Variants in NCF4 observed in about 807,000 individuals in gnomAD.
NCF4 encodes neutrophil cytosol factor 4.
Under a neutral mutation model 41.7 loss-of-function variants are expected in NCF4, and 30 were observed. The observed-to-expected ratio is 0.72, with a 90% CI of 0.54 to 0.97. The LOEUF (loss-of-function observed/expected upper bound fraction) is 0.97. Among genes scored for constraint, NCF4 ranks in the 50% least tolerant of loss-of-function variants. NCF4 has a pLI of 0.00. For missense variants in NCF4, 432 were observed against 460.9 expected (o/e 0.94, Z 0.57); for synonymous variants, 195 against 175.8 (o/e 1.11, Z -0.87).
At chr22:36,877,565 C>A (rs1481835461) in intron 9 of NCF4, 63 bp from the exon 10 acceptor site, 4 of 1,572,936 alleles carry the variant, frequency 2.5e-6, no homozygotes, top group Non-Finnish European at 3.5e-6. Flanking sequence ...CCCTTTTCAC[C>A]CCCTCTCCCT....
Position 36,878,004 on chromosome 22 carries a change from A to C in NCF4, c.*181A>C, listed in dbSNP as rs1206495029. 1.5e-5 allele frequency: 10 copies of C among 648,776 alleles called. No individual in the cohort carries two copies. The highest frequency in any genetic ancestry group is 2.6e-5 in the Non-Finnish European group (10 of 382,008). 40.2% of individuals were successfully genotyped at this position (648,776 alleles called of 1,614,324 possible). ...ACATCTGATTTAAATAAACCATTCC[A>C]TCTGAAAGGGGCAGGCTGCGGGAAA... is the stretch of plus-strand genomic sequence containing the variant. On this transcript the variant is annotated 3_prime_UTR_variant, in exon 10 of 10. Transcript: ENST00000248899.
intron 1 of NCF4, among the ~76,000 whole-genome samples, chr22:36,862,210 G>T (rs150795213): frequency 1.7e-3 from 263 of 152,342 alleles, no homozygotes; most frequent in African/African-American, 6.0e-3. Context: ...CCACTCAGGG[G>T]GTCACCAGAG....
In NCF4 at chr22:36,876,048, G is replaced by A; in HGVS notation, c.778G>A (p.Asp260Asn). 6.2e-7 allele frequency: 1 copy of A among 1,612,514 alleles called. No homozygotes were observed. The highest frequency in any genetic ancestry group is 8.5e-7 in the Non-Finnish European group (1 of 1,178,802). Residue 260 changes from aspartate (D) to asparagine (N), a missense_variant, in exon 9 of 10, where the codon GAT (aspartate) becomes AAT (asparagine). Transcript: ENST00000248899. ...STIKDIAVEE[D>N]LSSTPLLKDL... ...CCTTAGGGACATCGCGGTGGAGGAAGATCTCAGCAGCACTCCCCTATTGAA... is the reference window on the plus strand; with the variant it reads ...CCTTAGGGACATCGCGGTGGAGGAAAATCTCAGCAGCACTCCCCTATTGAA...
chr22:36,862,124 G>A (rs555918097), intron 1 of NCF4, among the ~76,000 whole-genome samples: 1 of 152,206 alleles, frequency 6.6e-6, no homozygotes, highest in African/African-American at 2.4e-5. Flanking sequence ...AGCTGCGGGG[G>A]CCCTGAGGAC....
intron 7 of NCF4, among the ~76,000 whole-genome samples, chr22:36,872,859 T>C (rs1940102462): frequency 7.5e-6 from 1 of 133,254 alleles, no homozygotes. Flanking sequence ...AGGATGGGGG[T>C]GAGACTGGCA....
chr22:36,866,565 T>C (rs1022686461), intron 3 of NCF4, among the ~76,000 whole-genome samples: 2 of 152,140 alleles, frequency 1.3e-5, no homozygotes, highest in African/African-American at 2.4e-5. Context: ...TGGGACTTAA[T>C]TGTCACGTTT....
intron 4 of NCF4, chr22:36,870,167 C>G: frequency 1.8e-6 from 1 of 561,606 alleles, no homozygotes; most frequent in Middle Eastern, 4.9e-4. Context: ...TAAGTCTTTT[C>G]CAAATGGACT....
chr22:36,872,952 AGGTGAGATTGG>A (rs1940108543), intron 7 of NCF4, among the ~76,000 whole-genome samples: 1 of 142,970 alleles, frequency 7.0e-6, no homozygotes, highest in African/African-American at 2.7e-5. Flanking sequence ...GTGAGATTGG[AGGTGAGATTGG>A]AGGTGAGGGT....
chr22:36,874,492 C>G (rs544853035), intron 7 of NCF4, among the ~76,000 whole-genome samples: 1 of 152,276 alleles, frequency 6.6e-6, no homozygotes, highest in South Asian at 2.1e-4. Flanking sequence ...TCATAGATCT[C>G]CATCTCAGGA....
intron 6 of NCF4, chr22:36,872,018 C>A: frequency 1.5e-6 from 1 of 649,416 alleles, no homozygotes. Flanking sequence ...GCAGAGATGA[C>A]TCAGACAAGG....
rs372612108 is a variant in NCF4, at chr22:36,861,198, C to T, written c.27C>T (p.Ala9=). Residue 9 remains alanine, a synonymous_variant, in exon 1 of 10, where the codon GCC becomes GCT. Coordinates refer to ENST00000248899, the MANE Select transcript of NCF4 (RefSeq NM_000631.5). MAVAQQLR[A]ESDFEQLPDD... is the part of the protein sequence containing the mutation. Reference sequence around the variant, plus strand: ...TGGCTGTGGCCCAGCAGCTGCGGGCCGAGAGGTGAGTGCCGGGGTGTGGCC... The same window carrying T: ...TGGCTGTGGCCCAGCAGCTGCGGGCTGAGAGGTGAGTGCCGGGGTGTGGCC... The T allele has an allele frequency of 2.3e-4, 356 of 1,551,342 alleles. No individual in the cohort carries two copies. The highest frequency in any genetic ancestry group is 5.0e-4 in the South Asian group (42 of 84,058).
At chr22:36,873,744 C>G (rs1940133806) in intron 7 of NCF4, among the ~76,000 whole-genome samples, 1 of 152,144 alleles carries the variant, frequency 6.6e-6, no homozygotes, top group African/African-American at 2.4e-5. Flanking sequence ...TGGGGTTGTC[C>G]TGAGCATTGC....
At chr22:36,870,681 A>G in intron 5 of NCF4, 139 bp downstream of exon 5, 1 of 1,228,952 alleles carries the variant, frequency 8.1e-7, no homozygotes, top group Non-Finnish European at 1.1e-6. Flanking sequence ...TTGATTTATT[A>G]GATGGGTTTA....
intron 4 of NCF4, 99 bp from the exon 5 acceptor site, chr22:36,870,316 G>T: frequency 6.6e-7 from 1 of 1,525,612 alleles, no homozygotes; most frequent in South Asian, 1.1e-5. Context: ...AGTAAAGAGA[G>T]GAGGGCTGAT....
At position 36,876,027 on chromosome 22, in the gene NCF4, A is replaced by T; in HGVS notation, c.759-2A>T. The T allele has an allele frequency of 1.2e-6, 2 of 1,613,310 alleles. No homozygotes were observed. The highest frequency in any genetic ancestry group is 1.7e-6 in the Non-Finnish European group (2 of 1,179,440). On this transcript the variant is annotated splice_acceptor_variant, in intron 8 of 9. Transcript: ENST00000248899. LOFTEE classifies it high-confidence loss of function. ...CCTTACTCCAGCCTGTCACCCCCTTAGGGACATCGCGGTGGAGGAAGATCT... is the reference window on the plus strand; with the variant it reads ...CCTTACTCCAGCCTGTCACCCCCTTTGGGACATCGCGGTGGAGGAAGATCT...
rs1043503966 is a variant in NCF4, at chr22:36,876,227, C to G, written c.824+133C>G. On this transcript the variant is annotated intron_variant, in intron 9 of 9. Coordinates refer to ENST00000248899, the MANE Select transcript of NCF4 (RefSeq NM_000631.5). ...TCTTCTCTTTTTATCCGCAGCCCAG[C>G]CCTGCAGGTTAGGCAGCATCTCCCC... 5 of 942,812 alleles carry G rather than the reference C, an allele frequency of 5.3e-6. No individual in the cohort carries two copies. In the African/African-American group the frequency reaches 8.3e-5, roughly 16 times the overall value. 58.4% of individuals were successfully genotyped at this position (942,812 alleles called of 1,614,324 possible).
rs867508426 is a variant in NCF4 at position 36,876,222 on chromosome 22, C to A, written c.824+128C>A. The A allele has an allele frequency of 5.1e-5, 50 of 973,652 alleles. No individual in the cohort carries two copies. In the African/African-American group the frequency reaches 6.3e-4, roughly 12 times the overall value. The allele number at this position is 973,652 out of a possible 1,614,324, so 60.3% of individuals were successfully genotyped here. ...CTTTGTCTTCTCTTTTTATCCGCAG[C>A]CCAGCCCTGCAGGTTAGGCAGCATC... On this transcript the variant is annotated intron_variant, in intron 9 of 9. Coordinates refer to ENST00000248899, the MANE Select transcript of NCF4 (RefSeq NM_000631.5).
At position 36,864,092 on chromosome 22, in the gene NCF4, CTGACATCGAGGAGAAGAGAGGCT is replaced by C; in HGVS notation, c.82_104del (p.Asp28HisfsTer92). 3 of 1,614,158 alleles carry C rather than the reference CTGACATCGAGGAGAAGAGAGGCT, an allele frequency of 1.9e-6. No homozygotes were observed. Among genetic ancestry groups the C allele is most frequent in the Non-Finnish European group, 2.5e-6 (3 of 1,180,000 alleles). On this transcript the variant is annotated frameshift_variant, in exon 2 of 10. Transcript: ENST00000248899. LOFTEE classifies it high-confidence loss of function. ...GATGTTGCCATCTCGGCCAACATTGCTGACATCGAGGAGAAGAGAGGCTTCACCAGCCACTTTGTAAGACAGAC... is the reference window on the plus strand; with the variant it reads ...GATGTTGCCATCTCGGCCAACATTGCTCACCAGCCACTTTGTAAGACAGAC...
At chr22:36,863,963 T>A (rs1244529066) in intron 1 of NCF4, 82 bp from the exon 2 acceptor site, 1 of 1,328,894 alleles carries the variant, frequency 7.5e-7, no homozygotes, top group Non-Finnish European at 1.1e-6. Flanking sequence ...ATTAGTTTGC[T>A]TTGCACTCTA....
Sources: allele counts gnomAD v4.1 joint callset (sites outside exome capture counted in the v4.1 genomes callset), GRCh38; gene constraint gnomAD v4.1.1; transcripts MANE v1.5; gene names NCBI Gene and HGNC (gene_info 2026-07-23, HGNC 2026-07-21).